Variants in GIGYF2 observed in about 807,000 individuals in gnomAD.
GIGYF2 encodes the protein GRB10-interacting GYF protein 2.
In GIGYF2, 25 loss-of-function variants were observed where a neutral mutation model predicts 208.1. The observed-to-expected ratio is 0.12, with a 90% CI of 0.09 to 0.17. The LOEUF is 0.17. Among genes scored for constraint, GIGYF2 ranks in the 10% least tolerant of loss-of-function variants. GIGYF2 has a pLI of 1.00. For synonymous variants in GIGYF2, 534 were observed against 543.8 expected, an observed-to-expected ratio of 0.98 and a Z score of 0.25; for missense variants, 1,302 against 1,579.4, an observed-to-expected ratio of 0.82 and a Z score of 2.98.
At chr2:232,739,465 A>C (rs897285036) in intron 3 of GIGYF2, among the ~76,000 whole-genome samples, 5 of 147,980 alleles carry the variant, frequency 3.4e-5, no homozygotes, top group African/African-American at 1.2e-4. Flanking sequence ...TTGAGCCCAG[A>C]AGTTCGAAAC....
chr2:232,815,752 C>T lies in GIGYF2; in HGVS notation c.2208+15C>T. 1 of 1,310,522 alleles carries T rather than the reference C, an allele frequency of 7.6e-7. No individual in the cohort carries two copies. Among genetic ancestry groups the T allele is most frequent in the South Asian group, 1.2e-5 (1 of 84,936 alleles). The allele number at this position is 1,310,522 out of a possible 1,614,324, so 81.2% of individuals were successfully genotyped here. On this transcript the variant is annotated intron_variant, in intron 19 of 28. Transcript: ENST00000373563. ...AAGCTGCAAAGGTCTGAAACTCATT[C>T]TTCTGCAACAGTGCATTGTCATCTG...
chr2:232,789,227 G>C (rs865958779), intron 9 of GIGYF2, among the ~76,000 whole-genome samples: 1 of 152,058 alleles, frequency 6.6e-6, no homozygotes, highest in Non-Finnish European at 1.5e-5. Flanking sequence ...TAACATTATG[G>C]GATATAAAAT....
At chr2:232,846,866 G>A (rs1702022620) in intron 26 of GIGYF2, among the ~76,000 whole-genome samples, 1 of 152,198 alleles carries the variant, frequency 6.6e-6, no homozygotes, top group Non-Finnish European at 1.5e-5. Flanking sequence ...TTAAACCCAT[G>A]TTTGTCTAAC....
chr2:232,720,885 G>A (rs147201435), intron 2 of GIGYF2, among the ~76,000 whole-genome samples: 29 of 152,186 alleles, frequency 1.9e-4, no homozygotes, highest in Non-Finnish European at 1.2e-4. Flanking sequence ...ATGAGCCACC[G>A]TGCCCTGCCT....
chr2:232,770,128 T>G (rs1699172242), intron 8 of GIGYF2, among the ~76,000 whole-genome samples: 1 of 152,178 alleles, frequency 6.6e-6, no homozygotes, highest in South Asian at 2.1e-4. Flanking sequence ...AGTTTGTGAT[T>G]TGCAGGTTAT....
chr2:232,782,916 T>A (rs893149329), intron 8 of GIGYF2: 6 of 152,180 alleles, frequency 3.9e-5, no homozygotes, highest in Non-Finnish European at 7.4e-5. Context: ...AATCTTTTTT[T>A]AAAAATCTAG....
At position 232,806,406 on chromosome 2, in the gene GIGYF2, G is replaced by A. The variant is rs1700564279; in HGVS notation, c.1640-85G>A. ...ACATTTTGACAGATGCCACCTCGAT[G>A]AGAATCAGATGCAGGAAATATTTTT... is the stretch of plus-strand genomic sequence containing the variant. On this transcript the variant is annotated intron_variant, in intron 14 of 28. Coordinates refer to ENST00000373563, the MANE Select transcript of GIGYF2 (RefSeq NM_001103146.3). This position sits in a 1 kb window ranked among gnomAD's most constrained non-coding sequence, Gnocchi z 4.0. 6.4e-6 allele frequency: 6 copies of A among 941,760 alleles called. No individual in the cohort carries two copies. Among genetic ancestry groups the A allele is most frequent in the Non-Finnish European group, 1.1e-5 (6 of 567,918 alleles). 58.3% of individuals were successfully genotyped at this position (941,760 alleles called of 1,614,324 possible).
chr2:232,812,440 C>T lies in GIGYF2; in HGVS notation c.2056C>T (p.Pro686Ser). 1.3e-6 allele frequency: 2 copies of T among 1,559,668 alleles called. No homozygotes were observed. Among genetic ancestry groups the T allele is most frequent in the African/African-American group, 2.7e-5 (2 of 73,814 alleles). Residue 686 changes from proline to serine, a missense_variant, in exon 18 of 29, where the codon CCA becomes TCA. By Grantham distance (74) the Pro-to-Ser change is moderately conservative (BLOSUM62 -1). This residue lies in a region of GIGYF2 where 701 missense variants were observed against 793.0 expected (regional missense o/e 0.88). Transcript: ENST00000373563. The stretch of plus-strand genomic sequence containing the variant: ...CTCAGTAACTAGGTCTGTGTCCGTG[C>T]CAGATACTGGCTCTATCTGGGAGCT... ...IPSVTRSVSV[P>S]DTGSIWELQP...
intron 5 of GIGYF2, among the ~76,000 whole-genome samples, chr2:232,755,113 G>A (rs1196207258): frequency 6.6e-6 from 1 of 152,168 alleles, no homozygotes; most frequent in Non-Finnish European, 1.5e-5. Context: ...GAAAGTTAGT[G>A]GAAACCAGTT....
rs757412826 is a variant in GIGYF2 at position 232,791,387 on chromosome 2, C to T, written c.1223C>T (p.Ala408Val). The change falls in exon 12 of 29, where the codon GCT (alanine) becomes GTT (valine). Residue 408 changes from alanine to valine, a missense_variant. By Grantham distance (64) the Ala-to-Val change is moderately conservative (BLOSUM62 0). This residue lies in a region of GIGYF2 where 235 missense variants were observed against 218.8 expected (regional missense o/e 1.07). Coordinates refer to ENST00000373563, the MANE Select transcript of GIGYF2 (RefSeq NM_001103146.3). ...CCAAAAACTGAGCAAACGGAAAAAG[C>T]TGAAGAGGAGACTCGGATGGAAAAT... ...DEPKTEQTEK[A>V]EEETRMENSL... 18 of 1,613,888 alleles carry T rather than the reference C, an allele frequency of 1.1e-5. No homozygotes were observed. The highest frequency in any genetic ancestry group is 3.3e-5 in the South Asian group (3 of 91,080).
chr2:232,831,097 G>A (rs933211403), intron 21 of GIGYF2, among the ~76,000 whole-genome samples: 5 of 152,170 alleles, frequency 3.3e-5, no homozygotes, highest in Admixed American at 2.0e-4. Context: ...AGGGGTACAC[G>A]TATTGCCAAC....
intron 8 of GIGYF2, chr2:232,767,970 A>G: frequency 1.8e-6 from 1 of 554,392 alleles, no homozygotes; most frequent in Non-Finnish European, 3.2e-6. Context: ...TGTCAAGTTG[A>G]GTTACATTGA....
chr2:232,714,160 C>T (rs1472871768), intron 2 of GIGYF2, among the ~76,000 whole-genome samples: 1 of 151,990 alleles, frequency 6.6e-6, no homozygotes, highest in African/African-American at 2.4e-5. Context: ...ACCATGTTAG[C>T]CAGGATGGTT....
chr2:232,724,249 G>T (rs1697088764), intron 2 of GIGYF2, among the ~76,000 whole-genome samples: 1 of 148,274 alleles, frequency 6.7e-6, no homozygotes, highest in Non-Finnish European at 1.5e-5. Flanking sequence ...GTAGAGACGG[G>T]GTTTCACCAT....
At chr2:232,794,654 G>A (rs1430210735) in intron 12 of GIGYF2, 94 bp from the exon 13 acceptor site, 4 of 935,922 alleles carry the variant, frequency 4.3e-6, no homozygotes, top group African/African-American at 1.6e-5. Flanking sequence ...TTTCTGTTTG[G>A]CCCATTTAGC....
At chr2:232,815,900 TC>T in intron 19 of GIGYF2, 163 bp downstream of exon 19, 1 of 586,302 alleles carries the variant, frequency 1.7e-6, no homozygotes, top group South Asian at 2.0e-5. Context: ...TGCTCTCTTC[TC>T]CCAAAAAAAA....
chr2:232,855,570 G>A (rs1457135741), intron 28 of GIGYF2, among the ~76,000 whole-genome samples: 3 of 152,066 alleles, frequency 2.0e-5, no homozygotes, highest in Admixed American at 1.3e-4. Flanking sequence ...GAGAATATGC[G>A]AGGACTCTAA....
intron 2 of GIGYF2, among the ~76,000 whole-genome samples, chr2:232,705,241 A>G (rs12623408): frequency 0.033 from 5,030 of 152,114 alleles, 237 homozygotes; most frequent in East Asian, 0.23. Flanking sequence ...AACTTCATAG[A>G]CTCTATTCAC....
intron 2 of GIGYF2, among the ~76,000 whole-genome samples, chr2:232,732,296 A>T (rs970644200): frequency 3.3e-5 from 5 of 152,232 alleles, no homozygotes; most frequent in African/African-American, 1.2e-4. Context: ...AGCAAACCAT[A>T]ACAGACTCCA....
Sources: gnomAD v4.1 joint callset for allele counts (sites outside exome capture counted in the v4.1 genomes callset) on GRCh38, gnomAD v4.1.1 for gene constraint, gnomAD v4.1.1 regional missense constraint, Gnocchi (gnomAD v3.1) non-coding constraint, MANE v1.5 for transcripts, NCBI Gene and HGNC (gene_info 2026-07-23, HGNC 2026-07-21) for gene names.